RPGR: variants seen among roughly 807,000 people sequenced by gnomAD.
The protein encoded by RPGR is X-linked retinitis pigmentosa GTPase regulator.
RPGR carries 10 observed loss-of-function variants against 56.3 expected under a neutral mutation model. The ratio of observed to expected loss-of-function variants is 0.18; its 90% CI spans 0.11 to 0.30. RPGR has a LOEUF of 0.30. RPGR is among the 10% of genes least tolerant of loss of function. The pLI is 1.00. For synonymous variants in RPGR, 197 were observed against 212.9 expected, an observed-to-expected ratio of 0.93 and a Z score of 0.65; for missense variants, 538 against 590.9, an observed-to-expected ratio of 0.91 and a Z score of 0.93.
At chrX:38,270,171 G>A (rs758218607) in intron 18 of RPGR, among the ~76,000 whole-genome samples, 1 of 111,176 alleles carries the variant, frequency 9.0e-6, no homozygotes, top group South Asian at 3.9e-4. Flanking sequence ...GTTACCTATT[G>A]TAACTTTTAA....
intron 15 of RPGR, among the ~76,000 whole-genome samples, chrX:38,281,198 A>T (rs1403562608): frequency 1.5e-4 from 17 of 112,474 alleles, no homozygotes; most frequent in Admixed American, 1.4e-3. Context: ...TTTCCTTAGA[A>T]GATTTTCTTG....
At chrX:38,272,659 A>G (rs951138040) in intron 18 of RPGR, 2 of 111,635 alleles carry the variant, frequency 1.8e-5, no homozygotes, top group African/African-American at 6.5e-5. Context: ...GACAATCTAA[A>G]AAGCAGCCAT....
chrX:38,312,548 C>T (rs775878633), intron 6 of RPGR, among the ~76,000 whole-genome samples: 11 of 111,688 alleles, frequency 9.8e-5, no homozygotes, highest in Middle Eastern at 4.6e-3. Flanking sequence ...ATATTAGGTT[C>T]CCGGACTACT....
At chrX:38,272,148 T>C (rs942991338) in intron 18 of RPGR, among the ~76,000 whole-genome samples, 19 of 109,103 alleles carry the variant, frequency 1.7e-4, no homozygotes, top group Non-Finnish European at 1.9e-5. Context: ...AAAAGACATG[T>C]ACCCATAAAA....
At chrX:38,288,393 C>T (rs2067227487) in intron 13 of RPGR, among the ~76,000 whole-genome samples, 2 of 112,050 alleles carry the variant, frequency 1.8e-5, no homozygotes, top group Admixed American at 1.9e-4. Flanking sequence ...ATTAATTTTG[C>T]AAGATGCTAT....
chrX:38,299,910 G>A (rs746274544), intron 9 of RPGR, among the ~76,000 whole-genome samples: 9 of 110,793 alleles, frequency 8.1e-5, no homozygotes, highest in Non-Finnish European at 1.7e-4. Flanking sequence ...TGAGGTCCTG[G>A]TTATTTCGTT....
At chrX:38,297,039 A>G (rs1035741586) in intron 11 of RPGR, among the ~76,000 whole-genome samples, 6 of 111,726 alleles carry the variant, frequency 5.4e-5, no homozygotes, top group African/African-American at 2.0e-4. Context: ...TAAGGAATGT[A>G]CTATAACTGT....
intron 11 of RPGR, among the ~76,000 whole-genome samples, chrX:38,295,598 A>G (rs928441800): frequency 1.7e-4 from 19 of 112,237 alleles, no homozygotes; most frequent in African/African-American, 6.2e-4. Context: ...AGGGCTGAAG[A>G]GTACCATTAG....
intron 7 of RPGR, among the ~76,000 whole-genome samples, chrX:38,305,197 C>CTT (rs1381952210): frequency 1.8e-5 from 2 of 111,313 alleles, no homozygotes; most frequent in Non-Finnish European, 3.8e-5. Context: ...GGGTGGACTG[C>CTT]TTGAGGCCAG....
intron 18 of RPGR, chrX:38,269,854 C>T: frequency 1.9e-6 from 2 of 1,061,321 alleles, no homozygotes; most frequent in East Asian, 3.0e-5. Flanking sequence ...ACCACACACA[C>T]AAATATTCAT....
intron 15 of RPGR, among the ~76,000 whole-genome samples, chrX:38,283,440 T>A (rs959692170): frequency 1.8e-5 from 2 of 111,669 alleles, no homozygotes; most frequent in Non-Finnish European, 3.8e-5. Context: ...ATCCCTTAGG[T>A]CACTCATTCT....
At chrX:38,308,601 G>T (rs988720653) in intron 7 of RPGR, among the ~76,000 whole-genome samples, 8 of 111,441 alleles carry the variant, frequency 7.2e-5, no homozygotes, top group African/African-American at 2.3e-4. Context: ...ATAAACTAGA[G>T]AAAATATATA....
At chrX:38,273,657 C>G in intron 17 of RPGR, 1 of 361,919 alleles carries the variant, frequency 2.8e-6, no homozygotes, top group Non-Finnish European at 4.8e-6. Flanking sequence ...AAGTGAAAAG[C>G]CCAGAATGAC....
intron 6 of RPGR, among the ~76,000 whole-genome samples, chrX:38,313,966 G>T (rs777120500): frequency 8.9e-6 from 1 of 111,747 alleles, no homozygotes; most frequent in East Asian, 2.8e-4. Context: ...TAAAGCAGGG[G>T]TGTCCAATCT....
chrX:38,278,637 G>A lies in RPGR; in HGVS notation c.1906-1865C>T, dbSNP rs771307050. Among the ~76,000 whole-genome samples, 10 of 112,649 alleles carry A rather than the reference G, an allele frequency of 8.9e-5. No individual in the cohort carries two copies. In the South Asian group the frequency reaches 3.3e-3, roughly 37 times the overall value. On this transcript the variant is annotated intron_variant, in intron 15 of 18. Transcript: ENST00000642395. ...TATCAGAAACAACTTCACTTTGAAA[G>A]GGAATGGGAAGATTACTAGATTTAA...
At position 38,294,954 on chromosome X, in the gene RPGR, T is replaced by C. The variant is rs1364936385; in HGVS notation, c.1414+2330A>G. On this transcript the variant is annotated intron_variant, in intron 11 of 18. Coordinates refer to ENST00000642395, the MANE Select transcript of RPGR (RefSeq NM_000328.3). ...TAGTCTGGCCTCTGTATAATCTATA[T>C]GGAGGTAGAAGTGATCATAATCATC... Among the ~76,000 whole-genome samples, 30 of 112,315 alleles carry C rather than the reference T, an allele frequency of 2.7e-4. No homozygotes were observed. The Admixed American group carries it at 2.8e-3, about 11-fold the overall frequency.
At position 38,283,230 on chromosome X, in the gene RPGR, G is replaced by A. The variant is rs776536142; in HGVS notation, c.1905+3864C>T. On this transcript the variant is annotated intron_variant, in intron 15 of 18. Transcript: ENST00000642395. The stretch of plus-strand genomic sequence containing the variant: ...GCCACATGTGATTAAATAAATGTTC[G>A]CCCAACAGTGGGCACAGAAAGTTAG... Among the ~76,000 whole-genome samples, 71 of 111,495 alleles carry A rather than the reference G, an allele frequency of 6.4e-4. 1 individual carries two copies. The highest frequency in any genetic ancestry group is 2.2e-3 in the African/African-American group (68 of 30,669).
At chrX:38,292,006 C>T (rs2067289922) in intron 11 of RPGR, among the ~76,000 whole-genome samples, 2 of 111,109 alleles carry the variant, frequency 1.8e-5, no homozygotes, top group Non-Finnish European at 3.8e-5. Flanking sequence ...CCCCCAGCTA[C>T]ACTCGTGCAC....
chrX:38,323,310 A>C (rs2067983526), intron 2 of RPGR, 89 bp downstream of exon 2: 1 of 856,068 alleles, frequency 1.2e-6, no homozygotes, highest in Admixed American at 2.8e-5. Flanking sequence ...TAATATTTTC[A>C]ACATGTTTAA....
Sources: gnomAD v4.1 joint callset for allele counts (sites outside exome capture counted in the v4.1 genomes callset) on GRCh38, gnomAD v4.1.1 for gene constraint, MANE v1.5 for transcripts, NCBI Gene and HGNC (gene_info 2026-07-23, HGNC 2026-07-21) for gene names.